Variants in ABCA2 observed in about 807,000 individuals in gnomAD.
ABCA2 encodes the protein ATP-binding cassette sub-family A member 2.
ABCA2 carries 84 observed loss-of-function variants against 262.8 expected under a neutral mutation model. The observed-to-expected ratio is 0.32, with a 90% CI of 0.27 to 0.38. The LOEUF is 0.38. Among genes scored for constraint, ABCA2 ranks in the 10% least tolerant of loss-of-function variants. The pLI, the probability that ABCA2 is intolerant of heterozygous loss-of-function variation, is 1.00. For synonymous variants in ABCA2, 1,696 were observed against 1,502.9 expected, an observed-to-expected ratio of 1.13 and a Z score of -2.97; for missense variants, 2,662 against 3,405.9, an observed-to-expected ratio of 0.78 and a Z score of 5.44.
chr9:137,023,497 G>T, intron 3 of ABCA2: 1 of 739,420 alleles, frequency 1.4e-6, no homozygotes, highest in Non-Finnish European at 2.5e-6. Flanking sequence ...AGGGAGAGTA[G>T]CCAGGCCGCT....
Position 137,008,533 on chromosome 9 carries a change from G to T in ABCA2, c.7158C>A (p.Cys2386Ter). ...ACCGGGGCCGGAGCAGGCTGAGCAA[G>T]CAGCCGAGAGGGGACTGCAGTGCGG... ...PPSALQSPLG[C>*]LLSLLRPRSA... is the part of the protein sequence containing the mutation. Residue 2386 changes from cysteine to a stop codon, truncating the protein, a stop_gained, in exon 48 of 49, where the codon TGC (cysteine) becomes TGA (stop). Transcript: ENST00000341511. LOFTEE classifies it high-confidence loss of function. 6.2e-7 allele frequency: 1 copy of T among 1,601,040 alleles called. No homozygotes were observed.
Position 137,020,694 on chromosome 9 carries a change from C to A in ABCA2, c.1265G>T (p.Arg422Leu). 1 of 1,599,464 alleles carries A rather than the reference C, an allele frequency of 6.3e-7. No homozygotes were observed. The highest frequency in any genetic ancestry group is 1.1e-5 in the South Asian group (1 of 90,758). Residue 422 changes from arginine (R) to leucine (L), a missense_variant and splice_region_variant, in exon 9 of 49, where the codon CGC becomes CTC. This residue lies in a region of ABCA2 where 92 missense variants were observed against 146.7 expected (regional missense o/e 0.63). Transcript: ENST00000341511. ...CCCCATTCCCCTGCCGCCCACCTAC[C>A]GGTTGTTGCCACACAAGATGGGCTG... ...GLQPILCGNN[R>L]TIEPEALRRG...
intron 33 of ABCA2, 42 bp downstream of exon 33, chr9:137,012,223 A>ACCCCCC: frequency 1.4e-6 from 1 of 730,474 alleles, no homozygotes; most frequent in Non-Finnish European, 1.9e-6. Flanking sequence ...CCCCGGCCCC[A>ACCCCCC]GCTCCTCCCC....
Position 137,028,173 on chromosome 9 carries a change from G to C in ABCA2, c.-33C>G. 1.1e-5 allele frequency: 11 copies of C among 980,954 alleles called. No homozygotes were observed. Among genetic ancestry groups the C allele is most frequent in the Non-Finnish European group, 1.3e-5 (11 of 828,230 alleles). The allele number at this position is 980,954 out of a possible 1,614,324, so 60.8% of individuals were successfully genotyped here. On this transcript the variant is annotated 5_prime_UTR_variant, in exon 1 of 49. Coordinates refer to ENST00000341511, the MANE Select transcript of ABCA2 (RefSeq NM_001606.5). The surrounding 1 kb of genome is among the most constrained non-coding windows in gnomAD (Gnocchi z 6.9). ...CCACGCTCCGCCGCCTCAGCGCCGC[G>C]GCCCGCTCCTCTGCGCGCCCCGCCG... is the stretch of plus-strand genomic sequence containing the variant.
Position 137,018,321 on chromosome 9 carries a change from G to A in ABCA2, c.1850C>T (p.Ser617Leu), listed in dbSNP as rs778010749. ...CTTGTAGTGCACGTGAGGCGGGAGC[G>A]AGCCGTCCTTCCGGGTCTGGAAGAT... The part of the protein sequence containing the change: ...SVIFQTRKDG[S>L]LPPHVHYKIR... The change falls in exon 14 of 49, where the codon TCG becomes TTG. Residue 617 changes from serine (S) to leucine (L), a missense_variant. Around this residue, in one of 12 missense-constraint regions of ABCA2, gnomAD observed 187 missense variants for 205.9 expected, o/e 0.91. Coordinates refer to ENST00000341511, the MANE Select transcript of ABCA2 (RefSeq NM_001606.5). 9.4e-6 allele frequency: 15 copies of A among 1,602,582 alleles called. No homozygotes were observed. Among genetic ancestry groups the A allele is most frequent in the South Asian group, 1.1e-5 (1 of 90,474 alleles).
chr9:137,015,428 G>C lies in ABCA2; in HGVS notation c.3683C>G (p.Pro1228Arg). Residue 1228 changes from proline (P) to arginine (R), a missense_variant, in exon 24 of 49, where the codon CCG becomes CGG. Transcript: ENST00000341511. ...RLTLVKRPAE[P>R]GGPQEPGLAS... ...TCAACACAGACCTTGGGGGCCCCCC[G>C]GCTCGGCGGGCCGCTTGACCAGCGT... 1.9e-6 allele frequency: 3 copies of C among 1,562,640 alleles called. No homozygotes were observed. Among genetic ancestry groups the C allele is most frequent in the South Asian group, 1.2e-5 (1 of 85,780 alleles).
chr9:137,021,554 C>T lies in ABCA2; in HGVS notation c.735G>A (p.Gly245=). 1 of 1,585,966 alleles carries T rather than the reference C, an allele frequency of 6.3e-7. No homozygotes were observed. The highest frequency in any genetic ancestry group is 1.1e-5 in the South Asian group (1 of 87,706). ...GCACAGTGAGGATCCGGCCCAGCTC[C>T]CCCGAGCCCGGCGTGCAGGTGAGCT... ...LEQLTCTPGS[G]ELGRILTVPE... Residue 245 remains glycine, a synonymous_variant, in exon 8 of 49, where the codon GGG becomes GGA. Transcript: ENST00000341511. This position sits in a 1 kb window ranked among gnomAD's most constrained non-coding sequence, Gnocchi z 6.0.
chr9:137,021,199 G>A lies in ABCA2; in HGVS notation c.898-138C>T, dbSNP rs1179682554. 1.6e-5 allele frequency: 21 copies of A among 1,348,638 alleles called. 1 individual carries two copies. The highest frequency in any genetic ancestry group is 2.7e-4 in the Middle Eastern group (1 of 3,756). The allele number at this position is 1,348,638 out of a possible 1,614,324, so 83.5% of individuals were successfully genotyped here. A position where few individuals can be genotyped will look rare whatever the true frequency, so the allele number is the denominator to read the frequency against. The stretch of plus-strand genomic sequence containing the variant: ...GGAGGGAGTCTGCAGCCTGGGTAAC[G>A]GGAGCCCAGGACAGGAGCTGGGATG... On this transcript the variant is annotated intron_variant, in intron 8 of 48. Coordinates refer to ENST00000341511, the MANE Select transcript of ABCA2 (RefSeq NM_001606.5). This position sits in a 1 kb window ranked among gnomAD's most constrained non-coding sequence, Gnocchi z 6.0.
chr9:137,012,543 G>A lies in ABCA2; in HGVS notation c.5129C>T (p.Ser1710Leu), dbSNP rs1192825832. Residue 1710 changes from serine to leucine, a missense_variant, in exon 32 of 49, where the codon TCA becomes TTA. Ser to Leu is a moderately radical substitution (Grantham distance 145, BLOSUM62 -2). Coordinates refer to ENST00000341511, the MANE Select transcript of ABCA2 (RefSeq NM_001606.5). ...FGNVLKSIPA[S>L]FGTRAPPMVR... ...CATGGGTGGGGCCCTGGTGCCAAAT[G>A]AGGCTGGGATGGACTTCAGGACGTT... 1.2e-6 allele frequency: 2 copies of A among 1,612,094 alleles called. No individual in the cohort carries two copies. The highest frequency in any genetic ancestry group is 2.2e-5 in the East Asian group (1 of 44,868).
chr9:137,025,940 G>A (rs1831639121), intron 1 of ABCA2, among the ~76,000 whole-genome samples: 1 of 152,172 alleles, frequency 6.6e-6, no homozygotes, highest in Non-Finnish European at 1.5e-5. Flanking sequence ...GCCTCCAGGT[G>A]GCCCAACCTC....
rs200711069 is a variant in ABCA2, at chr9:137,021,922, C to A, written c.647G>T (p.Arg216Leu). 2.5e-6 allele frequency: 4 copies of A among 1,603,382 alleles called. No homozygotes were observed. Among genetic ancestry groups the A allele is most frequent in the Non-Finnish European group, 3.4e-6 (4 of 1,176,140 alleles). Residue 216 changes from arginine to leucine, a missense_variant, in exon 7 of 49, where the codon CGC becomes CTC. Physicochemically the swap from Arg to Leu is moderately radical, Grantham distance 102. Transcript: ENST00000341511. This position sits in a 1 kb window ranked among gnomAD's most constrained non-coding sequence, Gnocchi z 6.0. ...CCGGAACAGGGGATTGCCCCCTAGG[C>A]GGCTCCAGGGCTCCTGACCCTTGTG... The part of the protein sequence containing the change: ...GLHKGQEPWS[R>L]LGGNPLFRME...
rs1831442198 is a variant in ABCA2, at chr9:137,021,180, A to G, written c.898-119T>C. ...ACACAAGCTAGGGGTGCTGGGAGGG[A>G]GTCTGCAGCCTGGGTAACGGGAGCC... On this transcript the variant is annotated intron_variant, in intron 8 of 48. Transcript: ENST00000341511. This position sits in a 1 kb window ranked among gnomAD's most constrained non-coding sequence, Gnocchi z 6.0. 3 of 1,392,724 alleles carry G rather than the reference A, an allele frequency of 2.2e-6. No homozygotes were observed. In the African/African-American group the frequency reaches 4.4e-5, roughly 20 times the overall value. The allele number at this position is 1,392,724 out of a possible 1,614,324, so 86.3% of individuals were successfully genotyped here. A position where few individuals can be genotyped will look rare whatever the true frequency, so the allele number is the denominator to read the frequency against.
In ABCA2 at chr9:137,012,898, G is replaced by A. The variant is rs375676757; in HGVS notation, c.4895C>T (p.Pro1632Leu). ...PEMWTSAPSL[P>L]RLVREPVRCT... The stretch of plus-strand genomic sequence containing the variant: ...GCGGACGGGCTCCCGTACCAGGCGC[G>A]GCAGGGAGGGTGCCGACGTCCACAT... The change falls in exon 31 of 49, where the codon CCG becomes CTG. Residue 1632 changes from proline (P) to leucine (L), a missense_variant. By Grantham distance (98) the Pro-to-Leu change is moderately conservative. This residue lies in a region of ABCA2 where 192 missense variants were observed against 207.2 expected (regional missense o/e 0.93). Transcript: ENST00000341511. 5.2e-6 allele frequency: 8 copies of A among 1,552,346 alleles called. No homozygotes were observed. Among genetic ancestry groups the A allele is most frequent in the East Asian group, 4.7e-5 (2 of 42,870 alleles).
rs768718804 is a variant in ABCA2 at position 137,022,768 on chromosome 9, G to A, written c.373C>T (p.Arg125Cys). 13 of 1,601,772 alleles carry A rather than the reference G, an allele frequency of 8.1e-6. No homozygotes were observed. The Admixed American group carries it at 1.0e-4, about 13-fold the overall frequency. ...GCACTGAGGGCCTCCAGATGCTGGC[G>A]TAGGGCCTCGAGCTCTGAGCCCAGG... ...PSLGSELEAL[R>C]QHLEALSAGP... The change falls in exon 5 of 49, where the codon CGC (arginine) becomes TGC (cysteine). Residue 125 changes from arginine (R) to cysteine (C), a missense_variant. Arg to Cys is a radical substitution (Grantham distance 180). Around this residue, in one of 12 missense-constraint regions of ABCA2, gnomAD observed 403 missense variants for 375.9 expected, o/e 1.07. Coordinates refer to ENST00000341511, the MANE Select transcript of ABCA2 (RefSeq NM_001606.5).
chr9:137,026,193 T>C (rs1239345282), intron 1 of ABCA2, among the ~76,000 whole-genome samples: 1 of 152,130 alleles, frequency 6.6e-6, no homozygotes, highest in Non-Finnish European at 1.5e-5. Context: ...TAGGCCACAC[T>C]CACAGACAGG....
At position 137,015,580 on chromosome 9, in the gene ABCA2, C is replaced by A; in HGVS notation, c.3531G>T (p.Leu1177=). The A allele has an allele frequency of 6.2e-7, 1 of 1,612,440 alleles. No individual in the cohort carries two copies. Among genetic ancestry groups the A allele is most frequent in the Non-Finnish European group, 8.5e-7 (1 of 1,179,738 alleles). ...LKYKPGRTIL[L]STHHMDEADL... Reference sequence around the variant, plus strand: ...CAGCCTCATCCATGTGGTGGGTGGACAGAAGGATGGTGCGGCCTAGGACAA... The same window carrying A: ...CAGCCTCATCCATGTGGTGGGTGGAAAGAAGGATGGTGCGGCCTAGGACAA... The change falls in exon 24 of 49, where the codon CTG becomes CTT. Residue 1177 remains leucine, a synonymous_variant. Coordinates refer to ENST00000341511, the MANE Select transcript of ABCA2 (RefSeq NM_001606.5).
Position 137,015,536 on chromosome 9 carries a change from A to G in ABCA2, c.3575T>C (p.Ile1192Thr), listed in dbSNP as rs1831227752. Residue 1192 changes from isoleucine (I) to threonine (T), a missense_variant, in exon 24 of 49, where the codon ATT (isoleucine) becomes ACT (threonine). This residue lies in a region of ABCA2 where 180 missense variants were observed against 307.3 expected (regional missense o/e 0.59). Transcript: ENST00000341511. Reference sequence around the variant, plus strand: ...GAGCTTCCCATGGGAGATGATGGCAATGCGGTCCCCAAGCAGGTCAGCCTC... The same window carrying G: ...GAGCTTCCCATGGGAGATGATGGCAGTGCGGTCCCCAAGCAGGTCAGCCTC... ...MDEADLLGDR[I>T]AIISHGKLKC... 6.2e-7 allele frequency: 1 copy of G among 1,612,378 alleles called. No individual in the cohort carries two copies. The highest frequency in any genetic ancestry group is 1.1e-5 in the South Asian group (1 of 91,070).
At chr9:137,023,671 C>T in intron 3 of ABCA2, 167 bp downstream of exon 3, 1 of 684,680 alleles carries the variant, frequency 1.5e-6, no homozygotes, top group Non-Finnish European at 2.7e-6. Flanking sequence ...TACCACCTCC[C>T]ACTTCACTGC....
intron 9 of ABCA2, 34 bp downstream of exon 9, chr9:137,020,660 C>T (rs748604095): frequency 6.3e-7 from 1 of 1,595,300 alleles, no homozygotes; most frequent in South Asian, 1.1e-5. Flanking sequence ...CCCTGGCTGT[C>T]CTCCTCACCC....
Sources: allele counts gnomAD v4.1 joint callset (sites outside exome capture counted in the v4.1 genomes callset), GRCh38; gene constraint gnomAD v4.1.1; regional missense constraint gnomAD v4.1.1; non-coding constraint Gnocchi (gnomAD v3.1); transcripts MANE v1.5; gene names NCBI Gene and HGNC (gene_info 2026-07-23, HGNC 2026-07-21).